CPNE4: variants seen among roughly 807,000 people sequenced by gnomAD.
CPNE4 encodes copine 4.
CPNE4 carries 25 observed loss-of-function variants against 67.9 expected under a neutral mutation model. The observed-to-expected ratio is 0.37, with a 90% CI of 0.27 to 0.51. The LOEUF (loss-of-function observed/expected upper bound fraction) is 0.51, where lower values mean the gene tolerates loss of function less well. CPNE4 is among the 20% of genes least tolerant of loss of function. The pLI, the probability that CPNE4 is intolerant of heterozygous loss-of-function variation, is 0.93. For synonymous variants in CPNE4, 242 were observed against 244.9 expected, an observed-to-expected ratio of 0.99 and a Z score of 0.11; for missense variants, 464 against 690.8, an observed-to-expected ratio of 0.67 and a Z score of 3.68.
At chr3:131,799,112 GA>G (rs1194142285) in intron 2 of CPNE4, among the ~76,000 whole-genome samples, 1 of 151,620 alleles carries the variant, frequency 6.6e-6, no homozygotes. Context: ...GGCTCCGACA[GA>G]AAAAAAATAT....
intron 1 of CPNE4, among the ~76,000 whole-genome samples, chr3:131,980,210 C>A (rs1419976387): frequency 6.6e-6 from 1 of 152,038 alleles, no homozygotes; most frequent in Non-Finnish European, 1.5e-5. Flanking sequence ...CCCAGGTGTT[C>A]TTTTTGCTTC....
At chr3:132,020,602 CT>C (rs1399631633) in intron 1 of CPNE4, among the ~76,000 whole-genome samples, 3 of 152,232 alleles carry the variant, frequency 2.0e-5, no homozygotes, top group East Asian at 1.9e-4. Context: ...ATGTTTTACA[CT>C]TTTTTTCCCT....
chr3:131,973,394 A>C (rs1035430894), intron 1 of CPNE4, among the ~76,000 whole-genome samples: 3 of 152,224 alleles, frequency 2.0e-5, no homozygotes, highest in African/African-American at 7.2e-5. Context: ...TGTAGTAATA[A>C]TAATAATAGA....
intron 1 of CPNE4, among the ~76,000 whole-genome samples, chr3:132,003,595 T>A (rs201150433): frequency 1.1e-4 from 1 of 9,280 alleles, no homozygotes; most frequent in Non-Finnish European, 8.0e-4. Context: ...TGACAGACCT[T>A]CTGCTCACCC....
At chr3:131,655,726 T>C (rs1490419178) in intron 7 of CPNE4, among the ~76,000 whole-genome samples, 4 of 152,176 alleles carry the variant, frequency 2.6e-5, no homozygotes, top group Non-Finnish European at 5.9e-5. Context: ...GCTCTTTCTT[T>C]TCTCACCCAT....
chr3:131,886,300 G>A (rs2087891057), intron 2 of CPNE4, among the ~76,000 whole-genome samples: 1 of 152,196 alleles, frequency 6.6e-6, no homozygotes, highest in African/African-American at 2.4e-5. Context: ...TCCACGTGGT[G>A]TTGAGCCTGC....
intron 1 of CPNE4, among the ~76,000 whole-genome samples, chr3:131,952,214 C>T (rs974625440): frequency 3.3e-5 from 5 of 151,268 alleles, no homozygotes; most frequent in Admixed American, 6.6e-5. Context: ...TCTGCCCCGC[C>T]GCCCCGTCTG....
chr3:131,939,235 T>A (rs544917667), intron 1 of CPNE4, among the ~76,000 whole-genome samples: 1 of 152,076 alleles, frequency 6.6e-6, no homozygotes, highest in Admixed American at 6.6e-5. Context: ...AATAAGGTAA[T>A]AGTATATCCA....
chr3:131,951,003 G>A (rs2071705638), intron 1 of CPNE4, among the ~76,000 whole-genome samples: 1 of 152,080 alleles, frequency 6.6e-6, no homozygotes, highest in Non-Finnish European at 1.5e-5. Context: ...TTTGTTGACT[G>A]GTTTGTCTTG....
chr3:131,766,512 C>T (rs2083020353), intron 2 of CPNE4, among the ~76,000 whole-genome samples: 1 of 152,140 alleles, frequency 6.6e-6, no homozygotes, highest in South Asian at 2.1e-4. Flanking sequence ...AGCCAATTTC[C>T]GGCTACCAAT....
chr3:131,747,116 AT>A lies in CPNE4; in HGVS notation c.181-23492del, dbSNP rs1217188319. Among the ~76,000 whole-genome samples the A allele has an allele frequency of 2.0e-4, 8 of 39,118 alleles. No individual in the cohort carries two copies. In the East Asian group the frequency reaches 8.1e-3, roughly 39 times the overall value. The allele number at this position is 39,118 out of a possible 152,430, so 25.7% of individuals were successfully genotyped here. A position where few individuals can be genotyped will look rare whatever the true frequency, so the allele number is the denominator to read the frequency against. On this transcript the variant is annotated intron_variant, in intron 2 of 15. Coordinates refer to ENST00000429747, the MANE Select transcript of CPNE4 (RefSeq NM_130808.3). ...GGTCTTTTGCCTCTGTTTTAAAATC[AT>A]GTTTTTTTTTTTTTTCTCTTGTTGT... is the stretch of plus-strand genomic sequence containing the variant.
At chr3:131,665,344 T>G (rs2107648327) in intron 7 of CPNE4, among the ~76,000 whole-genome samples, 1 of 152,174 alleles carries the variant, frequency 6.6e-6, no homozygotes, top group African/African-American at 2.4e-5. Flanking sequence ...GGATAAAAAC[T>G]ATCTCCATTT....
chr3:131,554,668 AG>A (rs1258268113), intron 12 of CPNE4, among the ~76,000 whole-genome samples: 2 of 151,854 alleles, frequency 1.3e-5, no homozygotes, highest in African/African-American at 4.9e-5. Context: ...GGCTCTAGTG[AG>A]GGAGCAAATG....
intron 1 of CPNE4, among the ~76,000 whole-genome samples, chr3:131,922,350 C>T (rs895218333): frequency 6.6e-6 from 1 of 152,290 alleles, no homozygotes; most frequent in Non-Finnish European, 1.5e-5. Context: ...GATTCCATGC[C>T]TTCGCTATTG....
intron 1 of CPNE4, among the ~76,000 whole-genome samples, chr3:131,949,462 A>G (rs2071654984): frequency 6.6e-6 from 1 of 152,214 alleles, no homozygotes; most frequent in South Asian, 2.1e-4. Context: ...ACACGAAAAG[A>G]TATGCAAAGT....
intron 2 of CPNE4, among the ~76,000 whole-genome samples, chr3:131,748,346 A>G (rs1271623275): frequency 6.6e-6 from 1 of 152,030 alleles, no homozygotes; most frequent in East Asian, 1.9e-4. Context: ...ATAATGCTGA[A>G]TTCTATTTGC....
intron 1 of CPNE4, among the ~76,000 whole-genome samples, chr3:132,031,869 T>C (rs2074243457): frequency 6.6e-6 from 1 of 152,212 alleles, no homozygotes. Context: ...GTCATAATAA[T>C]GGGCTTGAAT....
intron 1 of CPNE4, among the ~76,000 whole-genome samples, chr3:131,995,093 G>A (rs759339149): frequency 1.3e-5 from 2 of 152,008 alleles, no homozygotes; most frequent in African/African-American, 4.8e-5. Context: ...GGGCTCAAGC[G>A]ATCCTCCAAC....
intron 7 of CPNE4, among the ~76,000 whole-genome samples, chr3:131,619,736 C>A (rs945308875): frequency 2.0e-5 from 3 of 152,036 alleles, no homozygotes; most frequent in Non-Finnish European, 2.9e-5. Flanking sequence ...GATTCCAAAG[C>A]CCTTGCCAAG....
Sources: allele counts gnomAD v4.1 joint callset (sites outside exome capture counted in the v4.1 genomes callset), GRCh38; gene constraint gnomAD v4.1.1; transcripts MANE v1.5; gene names NCBI Gene and HGNC (gene_info 2026-07-23, HGNC 2026-07-21).